The following FOXD4L3 variants were observed in gnomAD, a reference collection of about 807,000 sequenced individuals.
The protein encoded by FOXD4L3 is forkhead box protein D4-like 3.
For synonymous variants in FOXD4L3, 26 were observed against 242.4 expected (o/e 0.11, Z 8.29); for missense variants, 44 against 545.5 (o/e 0.08, Z 9.16).
Position 68,304,349 on chromosome 9 carries a change from G to A in FOXD4L3, c.*144G>A. The A allele has an allele frequency of 2.6e-6, 4 of 1,521,356 alleles. No individual in the cohort carries two copies. Among genetic ancestry groups the A allele is most frequent in the Non-Finnish European group, 2.6e-6 (3 of 1,135,860 alleles). 94.2% of individuals were successfully genotyped at this position (1,521,356 alleles called of 1,614,324 possible). On this transcript the variant is annotated 3_prime_UTR_variant, in exon 1 of 1. Transcript: ENST00000342833. Reference sequence around the variant, plus strand: ...AGGGCCCTCCTAGAGCCAGGTGGGAGTGGGGAGCGACCCGCAGCTGCTCAC... The same window carrying A: ...AGGGCCCTCCTAGAGCCAGGTGGGAATGGGGAGCGACCCGCAGCTGCTCAC...
rs1833723211 is a variant in FOXD4L3, at chr9:68,304,498, C to T, written c.*293C>T. ...TGGATTACGTTCCTCTAAAAACCAC[C>T]TGAACGTAACCTTCGCAGGGCGTCA... On this transcript the variant is annotated 3_prime_UTR_variant, in exon 1 of 1. Coordinates refer to ENST00000342833, the MANE Select transcript of FOXD4L3 (RefSeq NM_199135.4). 1.6e-6 allele frequency: 1 copy of T among 612,412 alleles called. No individual in the cohort carries two copies. Among genetic ancestry groups the T allele is most frequent in the Non-Finnish European group, 3.0e-6 (1 of 336,938 alleles). 37.9% of individuals were successfully genotyped at this position (612,412 alleles called of 1,614,324 possible).
At position 68,303,877 on chromosome 9, in the gene FOXD4L3, G is replaced by C; in HGVS notation, c.926G>C (p.Arg309Thr). ...CSPHLVLSLG[R>T]RARVWRRHRE... The stretch of plus-strand genomic sequence containing the variant: ...CCTCACTTGGTCCTCAGCCTTGGGA[G>C]GAGGGCAAGGGTCTGGCGTCGCCAC... Residue 309 changes from arginine (R) to threonine (T), a missense_variant, in exon 1 of 1, where the codon AGG becomes ACG. By Grantham distance (71) the Arg-to-Thr change is moderately conservative (BLOSUM62 -1). Coordinates refer to ENST00000342833, the MANE Select transcript of FOXD4L3 (RefSeq NM_199135.4). 1 of 1,607,372 alleles carries C rather than the reference G, an allele frequency of 6.2e-7. No individual in the cohort carries two copies.
At position 68,303,999 on chromosome 9, in the gene FOXD4L3, G is replaced by A. The variant is rs1833709863; in HGVS notation, c.1048G>A (p.Gly350Arg). The A allele has an allele frequency of 6.2e-7, 1 of 1,611,950 alleles. No individual in the cohort carries two copies. Among genetic ancestry groups the A allele is most frequent in the Non-Finnish European group, 8.5e-7 (1 of 1,179,854 alleles). Residue 350 changes from glycine to arginine, a missense_variant, in exon 1 of 1, where the codon GGA (glycine) becomes AGA (arginine). By Grantham distance (125) the Gly-to-Arg change is moderately radical. Coordinates refer to ENST00000342833, the MANE Select transcript of FOXD4L3 (RefSeq NM_199135.4). Reference sequence around the variant, plus strand: ...GCGCAGAATTTGTCCCCGACCGCGTGGAGCTACTGCCACCTGCTCCAGCGA... The same window carrying A: ...GCGCAGAATTTGTCCCCGACCGCGTAGAGCTACTGCCACCTGCTCCAGCGA... ...GLRRICPRPRGATATCSSDHQ... is the reference protein window; with the variant it reads ...GLRRICPRPRRATATCSSDHQ...
rs2777284 is a variant in FOXD4L3 at position 68,304,926 on chromosome 9, A to G, written c.*721A>G. 0.01 allele frequency: 1,337 copies of G among 127,702 alleles called. No individual in the cohort carries two copies. Among genetic ancestry groups the G allele is most frequent in the Middle Eastern group, 0.06 (8 of 134 alleles). 7.9% of individuals were successfully genotyped at this position (127,702 alleles called of 1,614,324 possible). A position where few individuals can be genotyped will look rare whatever the true frequency, so the allele number is the denominator to read the frequency against. On this transcript the variant is annotated 3_prime_UTR_variant, in exon 1 of 1. Transcript: ENST00000342833. ...CACTACATCGTTTATTTTCTATTAC[A>G]TCTCATTCTTCCCTTTCTAAATGGA...
chr9:68,304,026 C>A lies in FOXD4L3; in HGVS notation c.1075C>A (p.His359Asn), dbSNP rs781855776. The A allele has an allele frequency of 2.5e-6, 4 of 1,611,896 alleles. No individual in the cohort carries two copies. The highest frequency in any genetic ancestry group is 2.3e-4 in the Middle Eastern group (1 of 4,430). Residue 359 changes from histidine to asparagine, a missense_variant, in exon 1 of 1, where the codon CAT becomes AAT. Physicochemically the swap from His to Asn is moderately conservative, Grantham distance 68 (BLOSUM62 1). Coordinates refer to ENST00000342833, the MANE Select transcript of FOXD4L3 (RefSeq NM_199135.4). Reference sequence around the variant, plus strand: ...AGCTACTGCCACCTGCTCCAGCGACCATCAAGCCTGTTGCATCCCCAGACC... The same window carrying A: ...AGCTACTGCCACCTGCTCCAGCGACAATCAAGCCTGTTGCATCCCCAGACC... Reference protein sequence around the residue: ...RGATATCSSDHQACCIPRPLP... With the variant: ...RGATATCSSDNQACCIPRPLP...
rs1213244712 is a variant in FOXD4L3 at position 68,304,582 on chromosome 9, C to T, written c.*377C>T. 6 of 314,196 alleles carry T rather than the reference C, an allele frequency of 1.9e-5. No individual in the cohort carries two copies. The East Asian group carries it at 3.1e-4, about 16-fold the overall frequency. 19.5% of individuals were successfully genotyped at this position (314,196 alleles called of 1,614,324 possible). On this transcript the variant is annotated 3_prime_UTR_variant, in exon 1 of 1. Coordinates refer to ENST00000342833, the MANE Select transcript of FOXD4L3 (RefSeq NM_199135.4). ...ATGGCTGTCCCGATTTGCGCATTTC[C>T]TGGGGTACTATGAACGTGAGTGGGG...
At position 68,304,134 on chromosome 9, in the gene FOXD4L3, G is replaced by T. The variant is rs1554670988; in HGVS notation, c.1183G>T (p.Ala395Ser). ...TAGCAGCAGCATCAGGAGGAGGACTGCGCCAACGGCTGCGCTCCCACCAAG... is the reference window on the plus strand; with the variant it reads ...TAGCAGCAGCATCAGGAGGAGGACTTCGCCAACGGCTGCGCTCCCACCAAG... ...SNSSSIRRRT[A>S]PTAALPPRAR... The change falls in exon 1 of 1, where the codon GCG (alanine) becomes TCG (serine). Residue 395 changes from alanine (A) to serine (S), a missense_variant. Coordinates refer to ENST00000342833, the MANE Select transcript of FOXD4L3 (RefSeq NM_199135.4). 6.2e-7 allele frequency: 1 copy of T among 1,606,482 alleles called. No individual in the cohort carries two copies. Among genetic ancestry groups the T allele is most frequent in the Non-Finnish European group, 8.5e-7 (1 of 1,176,142 alleles).
Position 68,304,382 on chromosome 9 carries a change from T to G in FOXD4L3, c.*177T>G. 6.6e-7 allele frequency: 1 copy of G among 1,522,608 alleles called. No homozygotes were observed. The highest frequency in any genetic ancestry group is 8.8e-7 in the Non-Finnish European group (1 of 1,137,396). The allele number at this position is 1,522,608 out of a possible 1,614,324, so 94.3% of individuals were successfully genotyped here. A position where few individuals can be genotyped will look rare whatever the true frequency, so the allele number is the denominator to read the frequency against. On this transcript the variant is annotated 3_prime_UTR_variant, in exon 1 of 1. Coordinates refer to ENST00000342833, the MANE Select transcript of FOXD4L3 (RefSeq NM_199135.4). ...CGACCCGCAGCTGCTCACTCCACCT[T>G]GCGCGGCCCATACTGGGCGTGTGCA...
Position 68,304,001 on chromosome 9 carries a change from A to C in FOXD4L3, c.1050A>C (p.Gly350=). ...GLRRICPRPR[G]ATATCSSDHQ... ...GCAGAATTTGTCCCCGACCGCGTGG[A>C]GCTACTGCCACCTGCTCCAGCGACC... The change falls in exon 1 of 1, where the codon GGA becomes GGC. Residue 350 remains glycine, a synonymous_variant. Transcript: ENST00000342833. 1.2e-6 allele frequency: 2 copies of C among 1,611,916 alleles called. No homozygotes were observed. Among genetic ancestry groups the C allele is most frequent in the South Asian group, 2.2e-5 (2 of 90,968 alleles).
Position 68,304,390 on chromosome 9 carries a change from C to T in FOXD4L3, c.*185C>T. 1 of 1,518,046 alleles carries T rather than the reference C, an allele frequency of 6.6e-7. No homozygotes were observed. The highest frequency in any genetic ancestry group is 8.8e-7 in the Non-Finnish European group (1 of 1,135,088). The allele number at this position is 1,518,046 out of a possible 1,614,324, so 94.0% of individuals were successfully genotyped here. On this transcript the variant is annotated 3_prime_UTR_variant, in exon 1 of 1. Transcript: ENST00000342833. ...AGCTGCTCACTCCACCTTGCGCGGC[C>T]CATACTGGGCGTGTGCATCTGAATC...
chr9:68,304,281 T>C lies in FOXD4L3; in HGVS notation c.*76T>C, dbSNP rs1348426947. 1.1e-6 allele frequency: 1 copy of C among 893,942 alleles called. No homozygotes were observed. Among genetic ancestry groups the C allele is most frequent in the Non-Finnish European group, 1.7e-6 (1 of 587,432 alleles). The allele number at this position is 893,942 out of a possible 1,614,324, so 55.4% of individuals were successfully genotyped here. Reference sequence around the variant, plus strand: ...TTGGGCGGAGAGGGGACCTCACCAGTTTTTTTAGTATCGCCCACGCCCAGT... The same window carrying C: ...TTGGGCGGAGAGGGGACCTCACCAGCTTTTTTAGTATCGCCCACGCCCAGT... On this transcript the variant is annotated 3_prime_UTR_variant, in exon 1 of 1. Coordinates refer to ENST00000342833, the MANE Select transcript of FOXD4L3 (RefSeq NM_199135.4).
rs1273292996 is a variant in FOXD4L3, at chr9:68,302,883, C to G, written c.-69C>G. 1 of 1,611,842 alleles carries G rather than the reference C, an allele frequency of 6.2e-7. No individual in the cohort carries two copies. The highest frequency in any genetic ancestry group is 8.5e-7 in the Non-Finnish European group (1 of 1,179,806). On this transcript the variant is annotated 5_prime_UTR_variant, in exon 1 of 1. Transcript: ENST00000342833. ...TTCTTGCAACATTCATCCCAGGCTT[C>G]CAGCTCAGCCCGCCCCAGGCCAGGT...
chr9:68,304,457 G>A lies in FOXD4L3; in HGVS notation c.*252G>A. The A allele has an allele frequency of 1.3e-6, 1 of 778,450 alleles. No homozygotes were observed. Among genetic ancestry groups the A allele is most frequent in the East Asian group, 2.5e-5 (1 of 40,754 alleles). 48.2% of individuals were successfully genotyped at this position (778,450 alleles called of 1,614,324 possible). On this transcript the variant is annotated 3_prime_UTR_variant, in exon 1 of 1. Transcript: ENST00000342833. ...ACGAACTTCTGTTCGCTGCAAAATG[G>A]TTAGAAAGAAACAGCTGGATTACGT...
chr9:68,303,313 T>C lies in FOXD4L3; in HGVS notation c.362T>C (p.Ile121Thr), dbSNP rs1833691963. Residue 121 changes from isoleucine (I) to threonine (T), a missense_variant, in exon 1 of 1, where the codon ATC becomes ACC. Physicochemically the swap from Ile to Thr is moderately conservative, Grantham distance 89. Coordinates refer to ENST00000342833, the MANE Select transcript of FOXD4L3 (RefSeq NM_199135.4). The stretch of plus-strand genomic sequence containing the variant: ...TACATCGCGCTCATCACCATGGCCA[T>C]CCTGCAAAACCCGCACAAGCGCCTC... ...YSYIALITMA[I>T]LQNPHKRLTL... 1.5e-6 allele frequency: 1 copy of C among 688,496 alleles called. No individual in the cohort carries two copies. Among genetic ancestry groups the C allele is most frequent in the Non-Finnish European group, 2.2e-6 (1 of 449,152 alleles). The allele number at this position is 688,496 out of a possible 1,614,324, so 42.6% of individuals were successfully genotyped here. A position where few individuals can be genotyped will look rare whatever the true frequency, so the allele number is the denominator to read the frequency against.
chr9:68,304,439 T>G lies in FOXD4L3; in HGVS notation c.*234T>G, dbSNP rs2131921347. 1 of 1,266,922 alleles carries G rather than the reference T, an allele frequency of 7.9e-7. No homozygotes were observed. Among genetic ancestry groups the G allele is most frequent in the East Asian group, 2.3e-5 (1 of 42,910 alleles). The allele number at this position is 1,266,922 out of a possible 1,614,324, so 78.5% of individuals were successfully genotyped here. ...TCCCGCTGGAGAGCAAACACGAACTTCTGTTCGCTGCAAAATGGTTAGAAA... is the reference window on the plus strand; with the variant it reads ...TCCCGCTGGAGAGCAAACACGAACTGCTGTTCGCTGCAAAATGGTTAGAAA... On this transcript the variant is annotated 3_prime_UTR_variant, in exon 1 of 1. Coordinates refer to ENST00000342833, the MANE Select transcript of FOXD4L3 (RefSeq NM_199135.4).
Position 68,304,953 on chromosome 9 carries a change from C to A in FOXD4L3, c.*748C>A, listed in dbSNP as rs200191707. ...CTCATTCTTCCCTTTCTAAATGGAA[C>A]TTTTTAAAACCTACGTTATTTTCCC... On this transcript the variant is annotated 3_prime_UTR_variant, in exon 1 of 1. Transcript: ENST00000342833. 1,067 of 117,688 alleles carry A rather than the reference C, an allele frequency of 9.1e-3. No individual in the cohort carries two copies. The highest frequency in any genetic ancestry group is 0.044 in the Middle Eastern group (5 of 114). The allele number at this position is 117,688 out of a possible 1,614,324, so 7.3% of individuals were successfully genotyped here.
chr9:68,303,275 G>GC, the FOXD4L3 span: 1 of 577,622 alleles, frequency 1.7e-6, no homozygotes, highest in Non-Finnish European at 2.8e-6. Flanking sequence ...AGCCGGCAAA[G>GC]CCCCCCTACT....
In FOXD4L3 at chr9:68,304,073, T is replaced by TCCG. The variant is rs781982611; in HGVS notation, c.1133_1135dup (p.Pro378dup). ...GACCGCTGCCCCTTTGCTGCAAGTG[T>TCCG]CCGCCGCCGCCGCTGCTCGGACAAT... On this transcript the variant is annotated inframe_insertion, in exon 1 of 1. Coordinates refer to ENST00000342833, the MANE Select transcript of FOXD4L3 (RefSeq NM_199135.4). The TCCG allele has an allele frequency of 1.2e-6, 2 of 1,610,720 alleles. No homozygotes were observed. Among genetic ancestry groups the TCCG allele is most frequent in the African/African-American group, 2.7e-5 (2 of 74,810 alleles).
rs1833698680 is a variant in FOXD4L3, at chr9:68,303,593, C to A, written c.642C>A (p.His214Gln). ...FKRHQLTPGA[H>Q]LPHPFPLPAA... is the part of the protein sequence containing the mutation. The stretch of plus-strand genomic sequence containing the variant: ...GCCACCAACTGACCCCGGGAGCCCA[C>A]CTGCCCCACCCCTTCCCTCTACCTG... Residue 214 changes from histidine to glutamine, a missense_variant, in exon 1 of 1, where the codon CAC becomes CAA. His to Gln is a conservative substitution (Grantham distance 24). Transcript: ENST00000342833. 6.3e-7 allele frequency: 1 copy of A among 1,595,198 alleles called. No homozygotes were observed. The highest frequency in any genetic ancestry group is 2.2e-5 in the East Asian group (1 of 44,734).
Sources: gnomAD v4.1 joint callset for allele counts on GRCh38, gnomAD v4.1.1 for gene constraint, MANE v1.5 for transcripts, NCBI Gene and HGNC (gene_info 2026-07-23, HGNC 2026-07-21) for gene names.